The following RORA variants were observed in gnomAD, a reference collection of about 807,000 sequenced individuals.
The protein encoded by RORA is RAR related orphan receptor A.
In RORA, 7 loss-of-function variants were observed where a neutral mutation model predicts 69.5. The ratio of observed to expected loss-of-function variants is 0.10; its 90% CI spans 0.06 to 0.19. The LOEUF is 0.19. Ranked by LOEUF, RORA falls within the 10% of genes least tolerant of loss-of-function variation. The probability of loss-of-function intolerance (pLI) is 1.00; values close to 1 mark genes in which losing one functional copy is unlikely to be tolerated. For missense variants in RORA, 457 were observed against 663.0 expected, an observed-to-expected ratio of 0.69 and a Z score of 3.41; for synonymous variants, 261 against 240.8, an observed-to-expected ratio of 1.08 and a Z score of -0.78.
intron 1 of RORA, among the ~76,000 whole-genome samples, chr15:60,997,960 G>C (rs192066002): frequency 5.9e-5 from 9 of 152,332 alleles, no homozygotes; most frequent in Admixed American, 5.2e-4. Flanking sequence ...TTTATGGAGA[G>C]AGTGAGCCAC....
chr15:61,139,057 C>T (rs968081336), intron 1 of RORA, among the ~76,000 whole-genome samples: 10 of 151,462 alleles, frequency 6.6e-5, no homozygotes, highest in South Asian at 2.1e-4. Flanking sequence ...GGCAGGAGAA[C>T]GGCACGAACC....
At chr15:60,883,148 AAAAGAAAG>A (rs61279359) in intron 1 of RORA, among the ~76,000 whole-genome samples, 32 of 39,014 alleles carry the variant, frequency 8.2e-4, no homozygotes, top group East Asian at 1.2e-3. Context: ...AAAAAAAAAA[AAAAGAAAG>A]AGAGAGAGAG....
chr15:60,790,234 CAG>C (rs759370644), intron 1 of RORA, among the ~76,000 whole-genome samples: 1 of 152,314 alleles, frequency 6.6e-6, no homozygotes, highest in Middle Eastern at 3.4e-3. Flanking sequence ...ACCTGCAAAC[CAG>C]AGAGTCGAAT....
At chr15:61,182,781 C>A (rs111368625) in intron 1 of RORA, among the ~76,000 whole-genome samples, 16 of 152,320 alleles carry the variant, frequency 1.1e-4, no homozygotes, top group African/African-American at 3.9e-4. Flanking sequence ...GATGGCATGA[C>A]ACAATATACC....
At chr15:60,583,370 A>G (rs1018463010) in intron 2 of RORA, among the ~76,000 whole-genome samples, 7 of 152,254 alleles carry the variant, frequency 4.6e-5, no homozygotes, top group African/African-American at 1.7e-4. Flanking sequence ...TTGTCGCTGA[A>G]TAAAGCAACC....
intron 1 of RORA, among the ~76,000 whole-genome samples, chr15:61,010,545 C>T (rs1292935784): frequency 6.6e-6 from 1 of 152,142 alleles, no homozygotes; most frequent in Non-Finnish European, 1.5e-5. Context: ...CACAGGCATA[C>T]AATCCAAACA....
intron 1 of RORA, among the ~76,000 whole-genome samples, chr15:60,739,835 A>G (rs1259222137): frequency 6.6e-6 from 1 of 152,078 alleles, no homozygotes; most frequent in Non-Finnish European, 1.5e-5. Context: ...TTTTAAAGAA[A>G]TCTGATTTTC....
intron 2 of RORA, among the ~76,000 whole-genome samples, chr15:60,573,323 C>G (rs1443764837): frequency 6.6e-6 from 1 of 152,210 alleles, no homozygotes; most frequent in African/African-American, 2.4e-5. Flanking sequence ...CCATTGAAGA[C>G]TCGTGGCGGA....
At chr15:60,503,302 T>C (rs1047696475) in intron 7 of RORA, among the ~76,000 whole-genome samples, 4 of 152,166 alleles carry the variant, frequency 2.6e-5, no homozygotes, top group Non-Finnish European at 5.9e-5. Context: ...AATTTGGGAA[T>C]GTAGGTGACC....
At chr15:60,974,172 A>C (rs916462145) in intron 1 of RORA, among the ~76,000 whole-genome samples, 2 of 152,134 alleles carry the variant, frequency 1.3e-5, no homozygotes, top group African/African-American at 4.8e-5. Context: ...CGTGGAACCC[A>C]CGTCAAGGAG....
intron 1 of RORA, among the ~76,000 whole-genome samples, chr15:60,791,140 T>A (rs1276926668): frequency 6.6e-6 from 1 of 152,178 alleles, no homozygotes; most frequent in East Asian, 1.9e-4. Flanking sequence ...GAGCCCAGGC[T>A]GATGTCATGG....
chr15:61,048,752 TA>T (rs1422849447), intron 1 of RORA, among the ~76,000 whole-genome samples: 1 of 152,174 alleles, frequency 6.6e-6, no homozygotes, highest in Non-Finnish European at 1.5e-5. Context: ...GGGGTGGTTT[TA>T]AGTAGGGGCT....
intron 2 of RORA, chr15:60,627,494 G>A (rs935258201): frequency 2.6e-6 from 4 of 1,531,100 alleles, no homozygotes; most frequent in African/African-American, 2.7e-5. Context: ...ATGATGGGGA[G>A]GAGTATGGGG....
intron 1 of RORA, among the ~76,000 whole-genome samples, chr15:61,043,823 GCTTT>G (rs1437084350): frequency 2.6e-5 from 4 of 152,122 alleles, no homozygotes; most frequent in Non-Finnish European, 5.9e-5. Flanking sequence ...TGGTCCCTTT[GCTTT>G]GTTTGGCTGG....
chr15:60,930,980 G>C (rs1396395908), intron 1 of RORA, among the ~76,000 whole-genome samples: 5 of 152,226 alleles, frequency 3.3e-5, no homozygotes, highest in Non-Finnish European at 7.3e-5. Context: ...TTCTCTGAGG[G>C]TAAAAGGGTG....
intron 1 of RORA, among the ~76,000 whole-genome samples, chr15:61,040,126 ATATATATATATATATATATATATAT>A (rs1276887959): frequency 1.3e-5 from 1 of 79,850 alleles, no homozygotes; most frequent in African/African-American, 4.2e-5. Flanking sequence ...ATATATATAT[ATATATATATATATATATATATATAT>A]ATATATATAT....
chr15:60,927,827 T>C (rs1463628595), intron 1 of RORA, among the ~76,000 whole-genome samples: 2 of 152,156 alleles, frequency 1.3e-5, no homozygotes, highest in Non-Finnish European at 2.9e-5. Context: ...CCCTGCAGAA[T>C]GCAAGCGTCA....
chr15:60,689,369 G>A (rs1375781295), intron 1 of RORA, among the ~76,000 whole-genome samples: 1 of 152,158 alleles, frequency 6.6e-6, no homozygotes, highest in Non-Finnish European at 1.5e-5. Flanking sequence ...GTGGCCCCGA[G>A]CTTCAGAATA....
chr15:61,112,291 G>A (rs1015384716), intron 1 of RORA, among the ~76,000 whole-genome samples: 1 of 152,142 alleles, frequency 6.6e-6, no homozygotes, highest in Non-Finnish European at 1.5e-5. Context: ...GTCATGGACT[G>A]GGGGGCATGG....
Sources: allele counts gnomAD v4.1 joint callset (sites outside exome capture counted in the v4.1 genomes callset), GRCh38; gene constraint gnomAD v4.1.1; transcripts MANE v1.5; gene names NCBI Gene and HGNC (gene_info 2026-07-23, HGNC 2026-07-21).